MIPEP: variants seen among roughly 807,000 people sequenced by gnomAD.
MIPEP encodes mitochondrial intermediate peptidase.
A neutral mutation model predicts 90.3 loss-of-function variants in MIPEP; 79 were observed. That is an observed-to-expected ratio of 0.87 (90% CI 0.73 to 1.05). The LOEUF is 1.05. Ranked by LOEUF, MIPEP falls within the 50% of genes least tolerant of loss-of-function variation. The pLI is 0.00. For missense variants in MIPEP, 940 were observed against 905.6 expected (o/e 1.04, Z -0.49); for synonymous variants, 334 against 315.8 (o/e 1.06, Z -0.61).
At chr13:23,831,389 G>GGGGCGGT (rs1566009699) in intron 14 of MIPEP, among the ~76,000 whole-genome samples, 1 of 144,558 alleles carries the variant, frequency 6.9e-6, no homozygotes, top group Non-Finnish European at 1.5e-5. Flanking sequence ...ATGGCGGGGG[G>GGGGCGGT]GGGATGTGGA....
rs185763022 is a variant in MIPEP, at chr13:23,808,167, C to T, written c.1728+1683G>A. 8.1e-4 allele frequency among the ~76,000 whole-genome samples: 122 copies of T among 151,364 alleles called. 1 individual carries two copies. Among genetic ancestry groups the T allele is most frequent in the Non-Finnish European group, 8.1e-4 (55 of 67,896 alleles). On this transcript the variant is annotated intron_variant, in intron 15 of 18. Coordinates refer to ENST00000382172, the MANE Select transcript of MIPEP (RefSeq NM_005932.4). ...AGGCTGGAGTGCAGTGGCGCGATCT[C>T]GGCTCACTGCAAGCTCCGCCTCCCG... is the stretch of plus-strand genomic sequence containing the variant.
intron 16 of MIPEP, among the ~76,000 whole-genome samples, chr13:23,799,000 GTTTTTTTTTTT>G (rs765292524): frequency 4.5e-5 from 4 of 88,904 alleles, no homozygotes; most frequent in African/African-American, 1.4e-4. Flanking sequence ...AATTTTTTTG[GTTTTTTTTTTT>G]TTTTTTTTTT....
chr13:23,877,133 C>G (rs538175642), intron 4 of MIPEP, among the ~76,000 whole-genome samples: 1 of 152,056 alleles, frequency 6.6e-6, no homozygotes, highest in African/African-American at 2.4e-5. Flanking sequence ...CTTTTCCTTA[C>G]GAGAGTTTTC....
At position 23,809,913 on chromosome 13, in the gene MIPEP, T is replaced by A. The variant is rs1048886074; in HGVS notation, c.1665A>T (p.Lys555Asn). 3.3e-5 allele frequency: 53 copies of A among 1,613,106 alleles called. No homozygotes were observed. Among genetic ancestry groups the A allele is most frequent in the Non-Finnish European group, 4.3e-5 (51 of 1,179,396 alleles). Residue 555 changes from lysine to asparagine, a missense_variant, in exon 15 of 19, where the codon AAA becomes AAT. Physicochemically the swap from Lys to Asn is moderately conservative, Grantham distance 94. Transcript: ENST00000382172. ...ATTCACAAAGACGAGACACCATATT[T>A]TTTGGCAGTGGCTTGATAAAACAAA... Reference protein sequence around the residue: ...RHYQTGQPLPKNMVSRLCESK... With the variant: ...RHYQTGQPLPNNMVSRLCESK...
At chr13:23,798,342 T>G (rs1952987376) in intron 16 of MIPEP, among the ~76,000 whole-genome samples, 3 of 152,174 alleles carry the variant, frequency 2.0e-5, no homozygotes, top group Admixed American at 2.0e-4. Flanking sequence ...TTCTACATAA[T>G]TAGACTTAAT....
intron 16 of MIPEP, among the ~76,000 whole-genome samples, chr13:23,770,947 T>C (rs1952643469): frequency 6.6e-6 from 1 of 152,182 alleles, no homozygotes; most frequent in African/African-American, 2.4e-5. Flanking sequence ...GCATGGCGCA[T>C]AAACACTAGG....
intron 10 of MIPEP, among the ~76,000 whole-genome samples, chr13:23,857,075 G>T (rs1331007881): frequency 2.0e-5 from 3 of 151,882 alleles, no homozygotes; most frequent in Non-Finnish European, 4.4e-5. Flanking sequence ...AACATGGAAA[G>T]TACAAATAAA....
At chr13:23,731,115 C>A (rs937648304) in intron 18 of MIPEP, among the ~76,000 whole-genome samples, 3 of 152,184 alleles carry the variant, frequency 2.0e-5, no homozygotes, top group South Asian at 2.1e-4. Context: ...TTTCTTCACT[C>A]TAAAGAAGCC....
At chr13:23,777,248 G>T (rs763346540) in intron 16 of MIPEP, among the ~76,000 whole-genome samples, 1 of 152,192 alleles carries the variant, frequency 6.6e-6, no homozygotes, top group Non-Finnish European at 1.5e-5. Context: ...GCATCAGAAT[G>T]CAGGGCAAGT....
intron 3 of MIPEP, among the ~76,000 whole-genome samples, chr13:23,881,186 C>T (rs1566028139): frequency 2.0e-5 from 3 of 152,226 alleles, no homozygotes; most frequent in Non-Finnish European, 4.4e-5. Context: ...CCCCTAATTC[C>T]AACTCAACAG....
intron 7 of MIPEP, among the ~76,000 whole-genome samples, chr13:23,867,720 A>G (rs1172568283): frequency 6.6e-6 from 1 of 152,176 alleles, no homozygotes; most frequent in African/African-American, 2.4e-5. Flanking sequence ...TGTAGATGAT[A>G]TAAAACATAG....
chr13:23,871,306 A>C (rs1456800112), intron 5 of MIPEP, among the ~76,000 whole-genome samples: 2 of 152,238 alleles, frequency 1.3e-5, no homozygotes, highest in African/African-American at 4.8e-5. Context: ...GGGTTGCCAT[A>C]AATGCTCTAA....
intron 5 of MIPEP, 147 bp downstream of exon 5, chr13:23,874,698 TC>T (rs1232412962): frequency 3.2e-6 from 2 of 625,256 alleles, no homozygotes; most frequent in Non-Finnish European, 5.3e-6. Context: ...TCAAATACAA[TC>T]TAAAGAAGAA....
At chr13:23,839,323 A>C (rs1412702021) in intron 12 of MIPEP, among the ~76,000 whole-genome samples, 3 of 152,222 alleles carry the variant, frequency 2.0e-5, no homozygotes, top group African/African-American at 7.2e-5. Flanking sequence ...ACTAGTCAAA[A>C]GGGTGAGGCG....
At chr13:23,771,919 C>CTCTTAGGCAATG (rs1427475545) in intron 16 of MIPEP, among the ~76,000 whole-genome samples, 1 of 152,006 alleles carries the variant, frequency 6.6e-6, no homozygotes, top group Non-Finnish European at 1.5e-5. Flanking sequence ...TTTACATTGC[C>CTCTTAGGCAATG]TAAGAGGTAA....
At position 23,889,282 on chromosome 13, in the gene MIPEP, T is replaced by G; in HGVS notation, c.39A>C (p.Arg13Ser). Residue 13 changes from arginine to serine, a missense_variant, in exon 1 of 19, where the codon AGA (arginine) becomes AGC (serine). By Grantham distance (110) the Arg-to-Ser change is moderately radical (BLOSUM62 -1). Coordinates refer to ENST00000382172, the MANE Select transcript of MIPEP (RefSeq NM_005932.4). ...CCCGGCGGGGCGGCAGAGCTGCTGC[T>G]CTGGCTCCCAAGCCGCCCAGCCTTC... ...CVGRLGGLGA[R>S]AAALPPRRAG... 7.3e-7 allele frequency: 1 copy of G among 1,373,370 alleles called. No individual in the cohort carries two copies. The highest frequency in any genetic ancestry group is 9.4e-7 in the Non-Finnish European group (1 of 1,061,874). 85.1% of individuals were successfully genotyped at this position (1,373,370 alleles called of 1,614,324 possible).
intron 12 of MIPEP, 72 bp from the exon 13 acceptor site, chr13:23,837,828 A>G (rs536272304): frequency 8.1e-7 from 1 of 1,228,830 alleles, no homozygotes; most frequent in Admixed American, 2.1e-5. Flanking sequence ...GTCTTAATGA[A>G]TATAAAATTT....
chr13:23,836,143 G>A, intron 14 of MIPEP, 97 bp downstream of exon 14: 1 of 647,002 alleles, frequency 1.5e-6, no homozygotes, highest in Non-Finnish European at 2.6e-6. Context: ...AACAGAGGGT[G>A]AGTTCTGAAA....
At chr13:23,849,616 T>A (rs1380320154) in intron 10 of MIPEP, among the ~76,000 whole-genome samples, 9 of 152,184 alleles carry the variant, frequency 5.9e-5, no homozygotes, top group Non-Finnish European at 5.9e-5. Flanking sequence ...CATACCACTA[T>A]CAACATGATA....
Sources: allele counts gnomAD v4.1 joint callset (sites outside exome capture counted in the v4.1 genomes callset), GRCh38; gene constraint gnomAD v4.1.1; transcripts MANE v1.5; gene names NCBI Gene and HGNC (gene_info 2026-07-23, HGNC 2026-07-21).